The following ATP10B variants were observed in gnomAD, a reference collection of about 807,000 sequenced individuals.
The protein encoded by ATP10B is ATPase phospholipid transporting 10B (putative).
A neutral mutation model predicts 141.2 loss-of-function variants in ATP10B; 122 were observed. That is an observed-to-expected ratio of 0.86 (90% confidence interval 0.75 to 1.00). The LOEUF is 1.00. Among genes scored for constraint, ATP10B ranks in the 50% least tolerant of loss-of-function variants. ATP10B has a pLI of 0.00. For missense variants in ATP10B, 1,876 were observed against 1,825.3 expected, an observed-to-expected ratio of 1.03 and a Z score of -0.51; for synonymous variants, 685 against 692.0, an observed-to-expected ratio of 0.99 and a Z score of 0.16.
At chr5:160,838,276 C>A (rs910455019) in intron 1 of ATP10B, among the ~76,000 whole-genome samples, 2 of 152,142 alleles carry the variant, frequency 1.3e-5, no homozygotes, top group Non-Finnish European at 2.9e-5. Flanking sequence ...TAAAGTAGGT[C>A]AGGGAGCATA....
chr5:160,903,618 T>G, the ATP10B span, among the ~76,000 whole-genome samples: 1 of 152,170 alleles, frequency 6.6e-6, no homozygotes, highest in African/African-American at 2.4e-5. Context: ...TGCCTACAGT[T>G]TTACTATCAT....
At chr5:160,735,627 G>C (rs1354602556) in intron 2 of ATP10B, among the ~76,000 whole-genome samples, 1 of 151,934 alleles carries the variant, frequency 6.6e-6, no homozygotes, top group East Asian at 1.9e-4. Flanking sequence ...GACTTAATTT[G>C]CATTATAGAC....
At chr5:160,784,883 A>C (rs568076752) in intron 2 of ATP10B, among the ~76,000 whole-genome samples, 1 of 151,850 alleles carries the variant, frequency 6.6e-6, no homozygotes, top group Non-Finnish European at 1.5e-5. Flanking sequence ...TTTTCTTTCT[A>C]ATAAGATTTT....
At chr5:160,678,088 G>A (rs1763144977) in intron 6 of ATP10B, among the ~76,000 whole-genome samples, 1 of 152,122 alleles carries the variant, frequency 6.6e-6, no homozygotes, top group African/African-American at 2.4e-5. Context: ...AAAAGAAAGA[G>A]GGCTAACCTC....
rs563428453 is a variant in ATP10B at position 160,753,872 on chromosome 5, G to A, written c.-331+31687C>T. Reference sequence around the variant, plus strand: ...CAGAGTGTTACAAAATCAGTGATGAGGTCAAGACTGAAACTCTGTCTGGCT... The same window carrying A: ...CAGAGTGTTACAAAATCAGTGATGAAGTCAAGACTGAAACTCTGTCTGGCT... On this transcript the variant is annotated intron_variant, in intron 2 of 25. Transcript: ENST00000327245. Among the ~76,000 whole-genome samples, 4 of 152,242 alleles carry A rather than the reference G, an allele frequency of 2.6e-5. No homozygotes were observed. In the East Asian group the frequency reaches 7.7e-4, roughly 29 times the overall value.
At chr5:160,592,297 T>A (rs1268401096) in intron 22 of ATP10B, among the ~76,000 whole-genome samples, 1 of 152,198 alleles carries the variant, frequency 6.6e-6, no homozygotes, top group Non-Finnish European at 1.5e-5. Context: ...CAAACTGGGC[T>A]TTGGGGGTTC....
the ATP10B span, among the ~76,000 whole-genome samples, chr5:160,913,435 C>T: frequency 6.6e-6 from 1 of 152,198 alleles, no homozygotes. Context: ...TACTATGGGA[C>T]TGCAGTCTCA....
chr5:160,708,296 G>A (rs1765135481), intron 3 of ATP10B, among the ~76,000 whole-genome samples: 1 of 152,102 alleles, frequency 6.6e-6, no homozygotes, highest in African/African-American at 2.4e-5. Context: ...ATTAACACGT[G>A]CAGGTAGCTA....
chr5:160,788,019 C>T (rs1771293499), intron 1 of ATP10B, among the ~76,000 whole-genome samples: 2 of 152,128 alleles, frequency 1.3e-5, no homozygotes, highest in East Asian at 1.9e-4. Flanking sequence ...TTGCCCCTGT[C>T]CTCATCTACT....
chr5:160,804,455 C>T (rs1772632396), intron 1 of ATP10B, among the ~76,000 whole-genome samples: 1 of 152,140 alleles, frequency 6.6e-6, no homozygotes, highest in Admixed American at 6.5e-5. Flanking sequence ...CTAGGATCTT[C>T]ACGTGCATTA....
chr5:160,728,011 A>G (rs1467369670), intron 2 of ATP10B, among the ~76,000 whole-genome samples: 1 of 152,220 alleles, frequency 6.6e-6, no homozygotes, highest in East Asian at 1.9e-4. Flanking sequence ...TGTCATTACA[A>G]GCTTATCTTC....
Position 160,589,640 on chromosome 5 carries a change from G to T in ATP10B, c.3702C>A (p.Ile1234=). 1 of 1,614,152 alleles carries T rather than the reference G, an allele frequency of 6.2e-7. No individual in the cohort carries two copies. Among genetic ancestry groups the T allele is most frequent in the Non-Finnish European group, 8.5e-7 (1 of 1,180,000 alleles). ...VFTFGTPINT[I]SLTTILLHQA... ...GGTGCAAAAGGATTGTGGTGAGGGA[G>T]ATGGTGTTGATTGGTGTCCCAAAGG... The change falls in exon 24 of 26, where the codon ATC becomes ATA. Residue 1234 remains isoleucine, a synonymous_variant. Transcript: ENST00000327245.
At position 160,729,591 on chromosome 5, in the gene ATP10B, A is replaced by G. The variant is rs539875689; in HGVS notation, c.-330-12557T>C. 3.9e-5 allele frequency among the ~76,000 whole-genome samples: 6 copies of G among 152,360 alleles called. No individual in the cohort carries two copies. The South Asian group carries it at 1.0e-3, about 26-fold the overall frequency. Reference sequence around the variant, plus strand: ...AAGCAAAGATTGAAGGAGTAAATGAATTCAGGAGGTGACAACGGTAGTGGC... The same window carrying G: ...AAGCAAAGATTGAAGGAGTAAATGAGTTCAGGAGGTGACAACGGTAGTGGC... On this transcript the variant is annotated intron_variant, in intron 2 of 25. Transcript: ENST00000327245.
chr5:160,887,937 G>A, the ATP10B span, among the ~76,000 whole-genome samples: 5 of 152,316 alleles, frequency 3.3e-5, no homozygotes, highest in South Asian at 2.1e-4. Context: ...GTTTGCTTAC[G>A]TTGGGAGGCA....
intron 1 of ATP10B, among the ~76,000 whole-genome samples, chr5:160,815,755 G>C (rs182233432): frequency 1.4e-3 from 210 of 152,266 alleles, no homozygotes; most frequent in African/African-American, 4.5e-3. Context: ...TGACCACATA[G>C]TTGGAAGTAA....
the ATP10B span, among the ~76,000 whole-genome samples, chr5:160,916,251 A>G: frequency 6.6e-6 from 1 of 152,246 alleles, no homozygotes; most frequent in Non-Finnish European, 1.5e-5. Context: ...TGTGCTGAAA[A>G]GTACACAAGG....
intron 24 of ATP10B, among the ~76,000 whole-genome samples, chr5:160,571,224 AT>A (rs2127594628): frequency 6.6e-6 from 1 of 152,012 alleles, no homozygotes; most frequent in African/African-American, 2.4e-5. Flanking sequence ...ATATCATTCT[AT>A]TTTCTTAATA....
the ATP10B span, among the ~76,000 whole-genome samples, chr5:160,858,960 G>A: frequency 6.6e-6 from 1 of 151,756 alleles, no homozygotes; most frequent in Non-Finnish European, 1.5e-5. Flanking sequence ...ACATAATTTA[G>A]AAAGTTTAAG....
intron 2 of ATP10B, among the ~76,000 whole-genome samples, chr5:160,750,820 G>A (rs1177804465): frequency 3.3e-5 from 5 of 152,084 alleles, no homozygotes; most frequent in Non-Finnish European, 4.4e-5. Flanking sequence ...CACTCCAGCC[G>A]GAAGGAACTT....
Sources: gnomAD v4.1 joint callset for allele counts (sites outside exome capture counted in the v4.1 genomes callset) on GRCh38, gnomAD v4.1.1 for gene constraint, MANE v1.5 for transcripts, NCBI Gene and HGNC (gene_info 2026-07-23, HGNC 2026-07-21) for gene names.